The following DPYD variants were observed in gnomAD, a reference collection of about 807,000 sequenced individuals.
DPYD encodes the protein dihydropyrimidine dehydrogenase [NADP(+)].
DPYD carries 109 observed loss-of-function variants against 116.2 expected under a neutral mutation model. The ratio of observed to expected loss-of-function variants is 0.94; its 90% CI spans 0.80 to 1.10. The LOEUF is 1.10. Ranked by LOEUF, DPYD falls within the 50% of genes least tolerant of loss-of-function variation. The pLI, the probability that DPYD is intolerant of heterozygous loss-of-function variation, is 0.00. For missense variants in DPYD, 1,302 were observed against 1,254.5 expected (o/e 1.04, Z -0.57); for synonymous variants, 440 against 432.0 (o/e 1.02, Z -0.23).
chr1:97,534,157 C>A (rs913546497), intron 12 of DPYD, among the ~76,000 whole-genome samples: 1 of 152,208 alleles, frequency 6.6e-6, no homozygotes, highest in South Asian at 2.1e-4. Flanking sequence ...AATAAGGTAA[C>A]CACTGTTCTA....
At chr1:97,325,332 T>C (rs1445634158) in intron 16 of DPYD, among the ~76,000 whole-genome samples, 1 of 152,046 alleles carries the variant, frequency 6.6e-6, no homozygotes, top group Non-Finnish European at 1.5e-5. Flanking sequence ...CTTTATTTCA[T>C]ACCTTTCAAA....
chr1:97,691,851 T>G, intron 6 of DPYD, 53 bp from the exon 7 acceptor site: 1 of 1,418,100 alleles, frequency 7.1e-7, no homozygotes, highest in Non-Finnish European at 1.0e-6. Flanking sequence ...TGACCAATCT[T>G]TGACCAATCT....
intron 12 of DPYD, chr1:97,546,604 T>C: frequency 6.2e-7 from 1 of 1,611,466 alleles, no homozygotes; most frequent in South Asian, 1.1e-5. Flanking sequence ...GTATAGCCTT[T>C]ACTTTCCTGA....
At chr1:97,202,981 C>T (rs1330414908) in intron 19 of DPYD, among the ~76,000 whole-genome samples, 1 of 152,114 alleles carries the variant, frequency 6.6e-6, no homozygotes, top group Non-Finnish European at 1.5e-5. Context: ...AAATACAAGA[C>T]TCAAAAGACT....
intron 2 of DPYD, among the ~76,000 whole-genome samples, chr1:97,852,372 C>T (rs1394574903): frequency 6.6e-6 from 1 of 151,986 alleles, no homozygotes; most frequent in African/African-American, 2.4e-5. Context: ...TACTTTCATC[C>T]TCATTTTATA....
chr1:97,737,633 C>T (rs1449130348), intron 4 of DPYD, among the ~76,000 whole-genome samples: 1 of 152,032 alleles, frequency 6.6e-6, no homozygotes, highest in African/African-American at 2.4e-5. Flanking sequence ...AACTGAAAGG[C>T]AAACTGGAAA....
Position 97,613,559 on chromosome 1 carries a change from A to T in DPYD, c.851-18393T>A, listed in dbSNP as rs7531326. Among the ~76,000 whole-genome samples, 980 of 152,144 alleles carry T rather than the reference A, an allele frequency of 6.4e-3. 7 individuals are homozygous for T. The highest frequency in any genetic ancestry group is 0.022 in the African/African-American group (913 of 41,552). On this transcript the variant is annotated intron_variant, in intron 8 of 22. Coordinates refer to ENST00000370192, the MANE Select transcript of DPYD (RefSeq NM_000110.4). ...GAGTGTGCTGGTGAGACTTTCCGAAACACCTGTTTTCAACGCATGATCTGC... is the reference window on the plus strand; with the variant it reads ...GAGTGTGCTGGTGAGACTTTCCGAATCACCTGTTTTCAACGCATGATCTGC...
intron 13 of DPYD, among the ~76,000 whole-genome samples, chr1:97,495,967 T>G (rs1346094235): frequency 6.6e-6 from 1 of 152,118 alleles, no homozygotes; most frequent in Non-Finnish European, 1.5e-5. Flanking sequence ...GACATCATTA[T>G]AGTTGGAGAA....
chr1:97,648,158 G>GAAAAC (rs1323957052), intron 8 of DPYD, among the ~76,000 whole-genome samples: 1 of 152,008 alleles, frequency 6.6e-6, no homozygotes, highest in Non-Finnish European at 1.5e-5. Flanking sequence ...CTGGCAATCA[G>GAAAAC]AAAACCATAC....
chr1:97,897,118 T>C (rs1414225629), intron 1 of DPYD, among the ~76,000 whole-genome samples: 2 of 151,932 alleles, frequency 1.3e-5, no homozygotes, highest in African/African-American at 4.8e-5. Flanking sequence ...TTTGCAACTT[T>C]TGTATGCCTG....
At chr1:97,312,932 A>G (rs143498245) in intron 16 of DPYD, among the ~76,000 whole-genome samples, 198 of 152,068 alleles carry the variant, frequency 1.3e-3, no homozygotes, top group African/African-American at 4.7e-3. Context: ...AAATATAAAT[A>G]GAAAAATGAA....
At chr1:97,626,662 T>C (rs1217063086) in intron 8 of DPYD, among the ~76,000 whole-genome samples, 1 of 152,050 alleles carries the variant, frequency 6.6e-6, no homozygotes, top group African/African-American at 2.4e-5. Context: ...CTGATTATCA[T>C]AGGTGGGAAA....
rs144005884 is a variant in DPYD at position 97,229,966 on chromosome 1, A to G, written c.2442+4886T>C. 8.1e-3 allele frequency among the ~76,000 whole-genome samples: 1,234 copies of G among 152,238 alleles called. 16 individuals are homozygous for G. The highest frequency in any genetic ancestry group is 0.029 in the African/African-American group (1,188 of 41,530). ...ATTCTGGTAAAAACAAAACAAAACA[A>G]AAAACCCATAACCAAGCACATTCAT... On this transcript the variant is annotated intron_variant, in intron 19 of 22. Coordinates refer to ENST00000370192, the MANE Select transcript of DPYD (RefSeq NM_000110.4).
rs75297765 is a variant in DPYD at position 97,309,073 on chromosome 1, A to C, written c.2059-2776T>G. The stretch of plus-strand genomic sequence containing the variant: ...CCATCAAAATATAAACTATGTCTAG[A>C]TTTAAGAAAAACCCAGCTATATTTT... On this transcript the variant is annotated intron_variant, in intron 16 of 22. Coordinates refer to ENST00000370192, the MANE Select transcript of DPYD (RefSeq NM_000110.4). Among the ~76,000 whole-genome samples, 70 of 151,996 alleles carry C rather than the reference A, an allele frequency of 4.6e-4. 1 individual carries two copies. In the East Asian group the frequency reaches 0.011, roughly 23 times the overall value.
intron 7 of DPYD, among the ~76,000 whole-genome samples, chr1:97,689,978 G>A (rs921687088): frequency 3.3e-5 from 5 of 151,862 alleles, no homozygotes; most frequent in Admixed American, 6.6e-5. Flanking sequence ...CTTTAATTTA[G>A]GTTCCATTTT....
At chr1:97,249,964 G>A (rs1570757445) in intron 18 of DPYD, among the ~76,000 whole-genome samples, 1 of 152,108 alleles carries the variant, frequency 6.6e-6, no homozygotes, top group East Asian at 1.9e-4. Context: ...ACATGCTGCT[G>A]GAAGGAGTAT....
intron 19 of DPYD, among the ~76,000 whole-genome samples, chr1:97,221,449 C>A (rs946987279): frequency 2.8e-5 from 4 of 142,634 alleles, no homozygotes; most frequent in African/African-American, 1.0e-4. Flanking sequence ...TATTGATATA[C>A]CCACAGCTTC....
intron 2 of DPYD, among the ~76,000 whole-genome samples, chr1:97,845,294 G>GCA (rs201567546): frequency 0.015 from 2,229 of 152,216 alleles, 22 homozygotes; most frequent in Non-Finnish European, 0.024. Context: ...AGACCAATCA[G>GCA]CACACACTTA....
intron 8 of DPYD, among the ~76,000 whole-genome samples, chr1:97,640,846 A>C (rs1018600140): frequency 2.0e-5 from 3 of 152,142 alleles, no homozygotes; most frequent in Non-Finnish European, 2.9e-5. Flanking sequence ...ACAGAGGCCA[A>C]AACAGTGATA....
Sources: gnomAD v4.1 joint callset for allele counts (sites outside exome capture counted in the v4.1 genomes callset) on GRCh38, gnomAD v4.1.1 for gene constraint, MANE v1.5 for transcripts, NCBI Gene and HGNC (gene_info 2026-07-23, HGNC 2026-07-21) for gene names.